The following AUTS2 variants were observed in gnomAD, a reference collection of about 807,000 sequenced individuals.
AUTS2 encodes the protein activator of transcription and developmental regulator AUTS2.
Under a neutral mutation model 112.4 loss-of-function variants are expected in AUTS2, and 17 were observed. The observed-to-expected ratio is 0.15, with a 90% CI of 0.10 to 0.23. The LOEUF is 0.23. AUTS2 is among the 10% of genes least tolerant of loss of function. The pLI, the probability that AUTS2 is intolerant of heterozygous loss-of-function variation, is 1.00. For missense variants in AUTS2, 1,510 were observed against 1,701.6 expected (o/e 0.89, Z 1.98); for synonymous variants, 751 against 702.7 (o/e 1.07, Z -1.09).
intron 5 of AUTS2, among the ~76,000 whole-genome samples, chr7:70,460,256 C>T (rs556689048): frequency 1.1e-3 from 169 of 151,322 alleles, no homozygotes; most frequent in African/African-American, 3.9e-3. Context: ...GAGGGTTTCC[C>T]GGAAGTAGTG....
chr7:70,735,415 TG>T (rs1427240933), intron 6 of AUTS2, among the ~76,000 whole-genome samples: 2 of 152,164 alleles, frequency 1.3e-5, no homozygotes, highest in African/African-American at 4.8e-5. Flanking sequence ...GGAGAAGAGC[TG>T]GGAGGGAGGA....
intron 2 of AUTS2, among the ~76,000 whole-genome samples, chr7:69,978,448 CT>C (rs1405510763): frequency 1.3e-5 from 2 of 152,140 alleles, no homozygotes; most frequent in African/African-American, 4.8e-5. Flanking sequence ...TCTTCATGAG[CT>C]ATTCAATCCA....
chr7:70,079,223 G>C (rs1420505138), intron 2 of AUTS2, among the ~76,000 whole-genome samples: 1 of 152,218 alleles, frequency 6.6e-6, no homozygotes, highest in Middle Eastern at 3.4e-3. Context: ...TGTGACAAAA[G>C]GATTGTACTT....
intron 2 of AUTS2, among the ~76,000 whole-genome samples, chr7:70,091,669 C>T (rs1803929080): frequency 6.6e-6 from 1 of 152,144 alleles, no homozygotes; most frequent in Admixed American, 6.6e-5. Context: ...TTCCTACCTC[C>T]TGAGATTCTT....
chr7:70,680,980 G>A (rs1484363818), intron 5 of AUTS2, among the ~76,000 whole-genome samples: 1 of 152,170 alleles, frequency 6.6e-6, no homozygotes, highest in Non-Finnish European at 1.5e-5. Context: ...AATACCAGAT[G>A]CTCCCTACAT....
chr7:69,927,362 A>G (rs1320134531), intron 2 of AUTS2, among the ~76,000 whole-genome samples: 3 of 151,652 alleles, frequency 2.0e-5, no homozygotes, highest in Non-Finnish European at 4.4e-5. Context: ...TTACTTTTGT[A>G]TTTGTTAAAA....
At chr7:70,099,855 A>T (rs918341878) in intron 2 of AUTS2, among the ~76,000 whole-genome samples, 2 of 152,216 alleles carry the variant, frequency 1.3e-5, no homozygotes, top group African/African-American at 4.8e-5. Flanking sequence ...CATAATTGGT[A>T]CAAGTGTTTG....
At chr7:70,488,265 C>T (rs1798096004) in intron 5 of AUTS2, among the ~76,000 whole-genome samples, 1 of 152,206 alleles carries the variant, frequency 6.6e-6, no homozygotes, top group Admixed American at 6.5e-5. Flanking sequence ...GGACAGATTT[C>T]TGAAAGCTGG....
At chr7:70,188,654 G>A (rs1809725941) in intron 4 of AUTS2, among the ~76,000 whole-genome samples, 1 of 152,120 alleles carries the variant, frequency 6.6e-6, no homozygotes, top group East Asian at 1.9e-4. Context: ...TAGCTTTCTT[G>A]AGAACTTTGT....
At position 69,598,615 on chromosome 7, in the gene AUTS2, A is replaced by T. The variant is rs56806935; in HGVS notation, c.-1039A>T. On this transcript the variant is annotated 5_prime_UTR_variant, in exon 1 of 19. Coordinates refer to ENST00000342771, the MANE Select transcript of AUTS2 (RefSeq NM_015570.4). ...GCGTTCCCGGCTGCGCTTCTCCCTC[A>T]GGCGGGGCGGCGAGAGAAGCGGCGG... 0.013 allele frequency: 2,162 copies of T among 164,746 alleles called. 20 individuals are homozygous for T. Among genetic ancestry groups the T allele is most frequent in the East Asian group, 0.057 (276 of 4,878 alleles). 10.2% of individuals were successfully genotyped at this position (164,746 alleles called of 1,614,324 possible).
chr7:70,478,952 G>A (rs1221773617), intron 5 of AUTS2, among the ~76,000 whole-genome samples: 2 of 151,764 alleles, frequency 1.3e-5, no homozygotes, highest in Non-Finnish European at 2.9e-5. Flanking sequence ...CCTTAACTTC[G>A]CACTTGGCAT....
At chr7:70,056,600 T>C (rs1345122125) in intron 2 of AUTS2, among the ~76,000 whole-genome samples, 5 of 152,168 alleles carry the variant, frequency 3.3e-5, no homozygotes, top group Admixed American at 6.5e-5. Context: ...AGAGTAGAGA[T>C]TGGGCAGGCA....
chr7:69,626,368 G>T (rs1360330978), intron 1 of AUTS2, among the ~76,000 whole-genome samples: 3 of 151,822 alleles, frequency 2.0e-5, no homozygotes, highest in Non-Finnish European at 4.4e-5. Flanking sequence ...CCAATTTTCT[G>T]TTATGTTTTA....
intron 5 of AUTS2, among the ~76,000 whole-genome samples, chr7:70,542,509 G>T (rs985934887): frequency 2.6e-5 from 4 of 152,184 alleles, no homozygotes. Context: ...TAGCAGTTAC[G>T]CCAGGGAGAA....
intron 4 of AUTS2, among the ~76,000 whole-genome samples, chr7:70,158,496 A>G (rs1012681221): frequency 2.0e-5 from 3 of 152,212 alleles, no homozygotes; most frequent in Admixed American, 6.5e-5. Flanking sequence ...TGCTTTATTC[A>G]ACCAAGTGAG....
rs1225869299 is a variant in AUTS2 at position 70,792,978 on chromosome 7, T to G, written c.*1982T>G. On this transcript the variant is annotated 3_prime_UTR_variant, in exon 19 of 19. Transcript: ENST00000342771. ...AGAAACACCTCGAACCCAGCCCGTG[T>G]AAGAACAGAAGGCTCACCTGCAGTG... 6.6e-6 allele frequency: 1 copy of G among 152,632 alleles called. No homozygotes were observed. 9.5% of individuals were successfully genotyped at this position (152,632 alleles called of 1,614,324 possible). A position where few individuals can be genotyped will look rare whatever the true frequency, so the allele number is the denominator to read the frequency against.
At chr7:69,905,297 G>A (rs1795109061) in intron 2 of AUTS2, among the ~76,000 whole-genome samples, 1 of 152,138 alleles carries the variant, frequency 6.6e-6, no homozygotes, top group African/African-American at 2.4e-5. Flanking sequence ...AAAGGACATA[G>A]CATATGTATT....
chr7:70,750,335 T>G (rs1788725358), intron 6 of AUTS2, among the ~76,000 whole-genome samples: 1 of 150,892 alleles, frequency 6.6e-6, no homozygotes, highest in Admixed American at 6.6e-5. Context: ...AAAGTCTTTT[T>G]TTTTTTTAAA....
rs542122301 is a variant in AUTS2, at chr7:70,734,020, A to G, written c.743-28850A>G. ...GTGGCTGAGTTTCCTTTTATTTTTCAGAATCCCTTTGAACCCCGGCAACAT... is the reference window on the plus strand; with the variant it reads ...GTGGCTGAGTTTCCTTTTATTTTTCGGAATCCCTTTGAACCCCGGCAACAT... On this transcript the variant is annotated intron_variant, in intron 6 of 18. Transcript: ENST00000342771. Among the ~76,000 whole-genome samples, 42 of 152,252 alleles carry G rather than the reference A, an allele frequency of 2.8e-4. No individual in the cohort carries two copies. In the South Asian group the frequency reaches 4.8e-3, roughly 17 times the overall value.
Sources: gnomAD v4.1 joint callset for allele counts (sites outside exome capture counted in the v4.1 genomes callset) on GRCh38, gnomAD v4.1.1 for gene constraint, MANE v1.5 for transcripts, NCBI Gene and HGNC (gene_info 2026-07-23, HGNC 2026-07-21) for gene names.